The following CDC42SE2 variants were observed in gnomAD, a reference collection of about 807,000 sequenced individuals.
CDC42SE2 encodes CDC42 small effector 2, also known as CDC42 small effector protein 2.
Under a neutral mutation model 11.5 loss-of-function variants are expected in CDC42SE2, and 3 were observed. The ratio of observed to expected loss-of-function variants is 0.26; its 90% CI spans 0.12 to 0.67. The LOEUF (loss-of-function observed/expected upper bound fraction) is 0.67, where lower values mean the gene tolerates loss of function less well. CDC42SE2 is among the 30% of genes least tolerant of loss of function. CDC42SE2 has a pLI of 0.80. For synonymous variants in CDC42SE2, 33 were observed against 34.8 expected, an observed-to-expected ratio of 0.95 and a Z score of 0.18; for missense variants, 82 against 106.8, an observed-to-expected ratio of 0.77 and a Z score of 1.02.
At chr5:131,253,059 A>C (rs764828362) in intron 1 of CDC42SE2, 1 of 152,262 alleles carries the variant, frequency 6.6e-6, no homozygotes, top group Non-Finnish European at 1.5e-5. Context: ...AGATAGAGCC[A>C]GAGCAGAAGA....
intron 3 of CDC42SE2, among the ~76,000 whole-genome samples, chr5:131,370,476 T>C (rs1381876842): frequency 1.3e-5 from 2 of 151,928 alleles, no homozygotes; most frequent in Non-Finnish European, 2.9e-5. Flanking sequence ...GAAACATTTA[T>C]TTTACCTTTT....
At chr5:131,281,641 T>C (rs1220066686) in intron 1 of CDC42SE2, among the ~76,000 whole-genome samples, 1 of 152,226 alleles carries the variant, frequency 6.6e-6, no homozygotes, top group East Asian at 1.9e-4. Flanking sequence ...AACTCTACTC[T>C]GAAGAAGTTT....
chr5:131,374,646 AAATT>A (rs1750101053), intron 3 of CDC42SE2, among the ~76,000 whole-genome samples: 1 of 152,130 alleles, frequency 6.6e-6, no homozygotes, highest in African/African-American at 2.4e-5. Flanking sequence ...GGTGTAAGAA[AAATT>A]AATTATAGTA....
At chr5:131,387,480 G>T (rs1396317829) in intron 4 of CDC42SE2, among the ~76,000 whole-genome samples, 1 of 152,084 alleles carries the variant, frequency 6.6e-6, no homozygotes, top group African/African-American at 2.4e-5. Flanking sequence ...GAACCTGGGA[G>T]GGGGGAGGTT....
At chr5:131,335,172 G>T (rs1463851181) in intron 2 of CDC42SE2, among the ~76,000 whole-genome samples, 2 of 152,048 alleles carry the variant, frequency 1.3e-5, no homozygotes, top group Non-Finnish European at 2.9e-5. Flanking sequence ...TTGTGTCTTT[G>T]TTCTTGTTGG....
intron 2 of CDC42SE2, among the ~76,000 whole-genome samples, chr5:131,342,087 C>G (rs1379059660): frequency 6.6e-6 from 1 of 151,816 alleles, no homozygotes; most frequent in Non-Finnish European, 1.5e-5. Flanking sequence ...CGAGACCATC[C>G]TGGCCAACAT....
the CDC42SE2 span, among the ~76,000 whole-genome samples, chr5:131,217,814 A>G: frequency 6.6e-6 from 1 of 152,352 alleles, no homozygotes; most frequent in African/African-American, 2.4e-5. Context: ...GATATTTGTG[A>G]TACATATATC....
At chr5:131,314,637 T>C (rs1758003139) in intron 1 of CDC42SE2, among the ~76,000 whole-genome samples, 1 of 152,214 alleles carries the variant, frequency 6.6e-6, no homozygotes, top group South Asian at 2.1e-4. Flanking sequence ...CTTCCTAGAC[T>C]TATTTATTCT....
At chr5:131,316,945 C>G (rs769449593) in intron 2 of CDC42SE2, among the ~76,000 whole-genome samples, 1 of 152,062 alleles carries the variant, frequency 6.6e-6, no homozygotes, top group African/African-American at 2.4e-5. Flanking sequence ...TGATCATGTT[C>G]TTTGTAGCCC....
At chr5:131,239,614 T>C in the CDC42SE2 span, among the ~76,000 whole-genome samples, 6 of 152,188 alleles carry the variant, frequency 3.9e-5, no homozygotes, top group Admixed American at 2.0e-4. Context: ...GTAAAATTCA[T>C]GGACCACTGT....
intron 1 of CDC42SE2, among the ~76,000 whole-genome samples, chr5:131,301,757 CA>C (rs776546882): frequency 0.023 from 2,460 of 106,340 alleles, 48 homozygotes; most frequent in African/African-American, 0.07. Flanking sequence ...GACTCCGTCT[CA>C]AAAAAAAAAA....
intron 2 of CDC42SE2, among the ~76,000 whole-genome samples, chr5:131,329,990 A>G (rs551981227): frequency 6.6e-6 from 1 of 150,970 alleles, no homozygotes; most frequent in African/African-American, 2.4e-5. Context: ...TTAACCAACA[A>G]TTATTCTATT....
intron 2 of CDC42SE2, among the ~76,000 whole-genome samples, chr5:131,332,499 G>C (rs1425291174): frequency 6.6e-6 from 1 of 151,934 alleles, no homozygotes; most frequent in Non-Finnish European, 1.5e-5. Flanking sequence ...GGGATGGCTG[G>C]ATCAAATGGT....
the CDC42SE2 span, among the ~76,000 whole-genome samples, chr5:131,217,005 A>T: frequency 6.6e-6 from 1 of 152,190 alleles, no homozygotes; most frequent in African/African-American, 2.4e-5. Flanking sequence ...ATCAAGCAGG[A>T]TCAGGCCAGG....
chr5:131,346,416 G>T (rs868476298), intron 2 of CDC42SE2, among the ~76,000 whole-genome samples: 2 of 152,104 alleles, frequency 1.3e-5, no homozygotes, highest in East Asian at 1.9e-4. Context: ...AGGTCATTGC[G>T]TAATGGTAAA....
chr5:131,381,651 A>G (rs1402061096), intron 3 of CDC42SE2, among the ~76,000 whole-genome samples: 1 of 152,150 alleles, frequency 6.6e-6, no homozygotes, highest in Non-Finnish European at 1.5e-5. Context: ...TCCACTGACT[A>G]CTTCTTGAAT....
chr5:131,292,240 CA>C (rs1202956370), intron 1 of CDC42SE2, among the ~76,000 whole-genome samples: 4,599 of 25,656 alleles, frequency 0.18, 46 homozygotes, highest in African/African-American at 0.36. Flanking sequence ...TCTGTCTCAC[CA>C]AAAAAAAAAA....
At chr5:131,244,547 C>T (rs963384253), upstream of CDC42SE2, among the ~76,000 whole-genome samples, 1 of 152,106 alleles carries the variant, frequency 6.6e-6, no homozygotes, top group Non-Finnish European at 1.5e-5. Context: ...CCTGTCTCTA[C>T]AAAAAATAGA....
intron 3 of CDC42SE2, among the ~76,000 whole-genome samples, chr5:131,371,274 T>A (rs2149780006): frequency 6.6e-6 from 1 of 152,256 alleles, no homozygotes; most frequent in Non-Finnish European, 1.5e-5. Flanking sequence ...GTAGGAAATA[T>A]TACAGATATA....
Sources: gnomAD v4.1 joint callset for allele counts (sites outside exome capture counted in the v4.1 genomes callset) on GRCh38, gnomAD v4.1.1 for gene constraint, MANE v1.5 for transcripts, NCBI Gene and HGNC (gene_info 2026-07-23, HGNC 2026-07-21) for gene names.